NBAS: variants seen among roughly 807,000 people sequenced by gnomAD.
NBAS encodes NAG/BC035112 fusion.
Under a neutral mutation model 302.5 loss-of-function variants are expected in NBAS, and 219 were observed. The observed-to-expected ratio is 0.72, with a 90% CI of 0.65 to 0.81. The LOEUF is 0.81. Among genes scored for constraint, NBAS ranks in the 30% least tolerant of loss-of-function variants. The probability of loss-of-function intolerance (pLI) is 0.00; values close to 1 mark genes in which losing one functional copy is unlikely to be tolerated. For synonymous variants in NBAS, 1,118 were observed against 1,021.6 expected (o/e 1.09, Z -1.80); for missense variants, 2,932 against 2,841.6 (o/e 1.03, Z -0.72).
chr2:14,969,331 A>G, the NBAS span, among the ~76,000 whole-genome samples: 1 of 152,150 alleles, frequency 6.6e-6, no homozygotes, highest in Admixed American at 6.5e-5. Context: ...CACATACCTT[A>G]CCTAGGTGAG....
chr2:15,320,798 T>C (rs751509750), intron 38 of NBAS, among the ~76,000 whole-genome samples: 3 of 152,050 alleles, frequency 2.0e-5, no homozygotes, highest in African/African-American at 2.4e-5. Context: ...AAAATCAATA[T>C]AGTGAAAATG....
the NBAS span, among the ~76,000 whole-genome samples, chr2:14,878,469 G>A: frequency 6.6e-6 from 1 of 152,142 alleles, no homozygotes; most frequent in Admixed American, 6.5e-5. Context: ...CATTGGGTGG[G>A]CCAGCTTCCT....
chr2:15,046,757 C>A, the NBAS span, among the ~76,000 whole-genome samples: 1 of 152,080 alleles, frequency 6.6e-6, no homozygotes, highest in African/African-American at 2.4e-5. Flanking sequence ...GAGTCTGGAA[C>A]CTGGTGAATG....
chr2:14,795,254 C>T, the NBAS span, among the ~76,000 whole-genome samples: 1 of 152,186 alleles, frequency 6.6e-6, no homozygotes, highest in Non-Finnish European at 1.5e-5. Flanking sequence ...TTCCTTATCT[C>T]TACAAACACC....
the NBAS span, among the ~76,000 whole-genome samples, chr2:14,819,099 T>G: frequency 3.0e-3 from 462 of 152,334 alleles, 3 homozygotes; most frequent in African/African-American, 0.011. Context: ...GCTGATTGTT[T>G]ATGGTTAATG....
At chr2:15,349,368 T>C (rs913513308) in intron 35 of NBAS, among the ~76,000 whole-genome samples, 1 of 152,106 alleles carries the variant, frequency 6.6e-6, no homozygotes, top group Non-Finnish European at 1.5e-5. Context: ...AGCAAAGAAA[T>C]GTAATGTGTT....
intron 19 of NBAS, among the ~76,000 whole-genome samples, chr2:15,466,286 G>A (rs1043373160): frequency 1.3e-5 from 2 of 152,120 alleles, no homozygotes; most frequent in Admixed American, 6.6e-5. Flanking sequence ...CAAGAGCTGC[G>A]AGGCACACAC....
At chr2:14,915,751 G>A in the NBAS span, among the ~76,000 whole-genome samples, 5 of 152,142 alleles carry the variant, frequency 3.3e-5, no homozygotes, top group South Asian at 8.3e-4. Context: ...TAGTAGAGAT[G>A]GGGTTTCACC....
intron 26 of NBAS, among the ~76,000 whole-genome samples, chr2:15,401,889 C>A (rs770905222): frequency 1.3e-5 from 2 of 151,930 alleles, no homozygotes; most frequent in African/African-American, 2.4e-5. Context: ...TTGTGGAGAT[C>A]GTGGTGGTAT....
chr2:14,868,597 A>G, the NBAS span, among the ~76,000 whole-genome samples: 3 of 152,148 alleles, frequency 2.0e-5, no homozygotes, highest in African/African-American at 7.2e-5. Flanking sequence ...ATTTTTTCTT[A>G]GTATGTTGCA....
chr2:15,098,013 ATATTGTATATAATATATATAT>A, the NBAS span, among the ~76,000 whole-genome samples: 12 of 91,004 alleles, frequency 1.3e-4, 1 homozygote, highest in African/African-American at 4.5e-4. Context: ...TATATATATT[ATATTGTATATAATATATATAT>A]TATATTGTAT....
chr2:15,266,730 TTCATTC>T (rs1282159330), intron 44 of NBAS, among the ~76,000 whole-genome samples: 1 of 152,170 alleles, frequency 6.6e-6, no homozygotes, highest in Non-Finnish European at 1.5e-5. Flanking sequence ...GTCCTAGGGC[TTCATTC>T]TCTCTCCTCC....
At chr2:15,331,005 T>G (rs1011655512) in intron 35 of NBAS, among the ~76,000 whole-genome samples, 2 of 152,130 alleles carry the variant, frequency 1.3e-5, no homozygotes, top group Admixed American at 1.3e-4. Flanking sequence ...AAAAACCCCA[T>G]AGTGTATTAA....
the NBAS span, among the ~76,000 whole-genome samples, chr2:15,077,604 T>C: frequency 7.9e-5 from 12 of 152,166 alleles, no homozygotes; most frequent in Admixed American, 6.5e-5. Flanking sequence ...TGTGAACTAC[T>C]GATGTAATAA....
chr2:14,851,307 C>T, the NBAS span, among the ~76,000 whole-genome samples: 3 of 150,534 alleles, frequency 2.0e-5, no homozygotes, highest in African/African-American at 7.4e-5. Context: ...AACACCTCTA[C>T]TCAAATAAAC....
chr2:15,440,033 C>T (rs571402461), intron 21 of NBAS, among the ~76,000 whole-genome samples: 67 of 152,376 alleles, frequency 4.4e-4, no homozygotes, highest in Non-Finnish European at 8.7e-4. Flanking sequence ...CCCACCACAG[C>T]TCAAGGAGGC....
At chr2:14,958,212 A>T in the NBAS span, among the ~76,000 whole-genome samples, 1 of 152,250 alleles carries the variant, frequency 6.6e-6, no homozygotes, top group African/African-American at 2.4e-5. Context: ...AGGCAGAGTG[A>T]ACCAGTGGGA....
At chr2:14,931,646 A>C in the NBAS span, among the ~76,000 whole-genome samples, 1 of 152,224 alleles carries the variant, frequency 6.6e-6, no homozygotes, top group African/African-American at 2.4e-5. Flanking sequence ...TATGTGCAGC[A>C]TGAGGTGGAA....
At chr2:15,440,092 T>A (rs1235961401) in intron 21 of NBAS, among the ~76,000 whole-genome samples, 2 of 152,234 alleles carry the variant, frequency 1.3e-5, no homozygotes, top group South Asian at 2.1e-4. Flanking sequence ...ACAGACAAAC[T>A]AAAAGACAGC....
Sources: allele counts gnomAD v4.1 joint callset (sites outside exome capture counted in the v4.1 genomes callset), GRCh38; gene constraint gnomAD v4.1.1; transcripts MANE v1.5; gene names NCBI Gene and HGNC (gene_info 2026-07-23, HGNC 2026-07-21).